The following ANO3 variants were observed in gnomAD, a reference collection of about 807,000 sequenced individuals.
The protein encoded by ANO3 is anoctamin 3, also known as anoctamin-3.
In ANO3, 99 loss-of-function variants were observed where a neutral mutation model predicts 144.8. That is an observed-to-expected ratio of 0.68 (90% CI 0.58 to 0.81). The LOEUF (loss-of-function observed/expected upper bound fraction) is 0.81. ANO3 is among the 30% of genes least tolerant of loss of function. The pLI, the probability that ANO3 is intolerant of heterozygous loss-of-function variation, is 0.00. For missense variants in ANO3, 905 were observed against 1,202.2 expected (o/e 0.75, Z 3.66); for synonymous variants, 414 against 392.6 (o/e 1.05, Z -0.64).
At chr11:26,376,231 C>T (rs1428948418) in intron 1 of ANO3, among the ~76,000 whole-genome samples, 2 of 152,096 alleles carry the variant, frequency 1.3e-5, no homozygotes, top group Non-Finnish European at 2.9e-5. Flanking sequence ...ACAGCCTTCA[C>T]TCACTCCCCA....
Position 26,212,050 on chromosome 11 carries a change from G to T in ANO3, c.154+22720G>T, listed in dbSNP as rs186727956. ...AGGGAGGGGAATATCACACACTGGG[G>T]CCTGTCAGGTGGTGGGGGGATAGGG... On this transcript the variant is annotated intron_variant, in intron 1 of 27. Coordinates refer to the ANO3 transcript ENST00000672621. 6.6e-3 allele frequency among the ~76,000 whole-genome samples: 1,001 copies of T among 152,186 alleles called. 16 individuals carry two copies. The highest frequency in any genetic ancestry group is 0.023 in the African/African-American group (962 of 41,510).
chr11:26,216,806 G>A (rs1440026532), intron 1 of ANO3, among the ~76,000 whole-genome samples: 1 of 151,970 alleles, frequency 6.6e-6, no homozygotes, highest in African/African-American at 2.4e-5. Context: ...GTAACTTATA[G>A]AGCCTTAACA....
intron 1 of ANO3, among the ~76,000 whole-genome samples, chr11:26,353,944 CA>C (rs769652141): frequency 6.6e-6 from 1 of 152,132 alleles, no homozygotes; most frequent in Non-Finnish European, 1.5e-5. Context: ...TTTATATCAC[CA>C]AAATTGAAAT....
chr11:26,522,083 C>T (rs544309590), intron 6 of ANO3, among the ~76,000 whole-genome samples: 29 of 152,050 alleles, frequency 1.9e-4, no homozygotes, highest in South Asian at 4.1e-4. Flanking sequence ...ACTCGGGAGG[C>T]TGAGGCAAGA....
intron 10 of ANO3, among the ~76,000 whole-genome samples, chr11:26,541,130 T>C (rs949722038): frequency 6.6e-6 from 1 of 151,960 alleles, no homozygotes; most frequent in African/African-American, 2.4e-5. Flanking sequence ...AAAAGATGAG[T>C]TCGTGTTCTT....
At chr11:26,202,176 C>A (rs1054442693) in intron 1 of ANO3, among the ~76,000 whole-genome samples, 44 of 148,220 alleles carry the variant, frequency 3.0e-4, no homozygotes, top group African/African-American at 9.8e-4. Context: ...TTCTAACTGA[C>A]CTCACATAAT....
chr11:26,647,937 G>A, intron 24 of ANO3, 81 bp downstream of exon 24: 1 of 1,378,650 alleles, frequency 7.3e-7, no homozygotes, highest in South Asian at 1.5e-5. Flanking sequence ...GTTTTGTTCT[G>A]TGACCATTAA....
At chr11:26,192,852 G>C (rs2133904176) in intron 1 of ANO3, among the ~76,000 whole-genome samples, 1 of 152,226 alleles carries the variant, frequency 6.6e-6, no homozygotes, top group East Asian at 1.9e-4. Flanking sequence ...GAGGGAAATT[G>C]CCTCTTTGTG....
intron 21 of ANO3, among the ~76,000 whole-genome samples, chr11:26,640,890 C>T (rs1426307342): frequency 6.6e-6 from 1 of 152,150 alleles, no homozygotes; most frequent in Admixed American, 6.6e-5. Flanking sequence ...AAGCAGATCG[C>T]CTCAACTCTC....
intron 17 of ANO3, among the ~76,000 whole-genome samples, chr11:26,602,704 T>G (rs994377956): frequency 4.7e-5 from 7 of 150,464 alleles, no homozygotes; most frequent in African/African-American, 1.5e-4. Flanking sequence ...TAAGCTGTGA[T>G]CACCCCACTG....
At chr11:26,190,135 C>T (rs1046765234) in intron 1 of ANO3, among the ~76,000 whole-genome samples, 4 of 152,102 alleles carry the variant, frequency 2.6e-5, no homozygotes, top group African/African-American at 7.2e-5. Context: ...GTAATGGGAA[C>T]GTAAAAGTTA....
intron 4 of ANO3, among the ~76,000 whole-genome samples, chr11:26,495,830 A>G (rs1860914323): frequency 6.6e-6 from 1 of 152,204 alleles, no homozygotes; most frequent in South Asian, 2.1e-4. Context: ...ATGGGAGATT[A>G]TATTATTTGC....
At chr11:26,343,336 A>G (rs1564974057) in intron 1 of ANO3, among the ~76,000 whole-genome samples, 1 of 152,192 alleles carries the variant, frequency 6.6e-6, no homozygotes, top group African/African-American at 2.4e-5. Context: ...TGGCTATTCT[A>G]AATAATGCTG....
intron 24 of ANO3, among the ~76,000 whole-genome samples, chr11:26,655,721 A>G (rs575077362): frequency 2.0e-4 from 31 of 152,306 alleles, no homozygotes; most frequent in African/African-American, 7.0e-4. Context: ...TTGAATAAAT[A>G]TATATGTTTA....
chr11:26,449,171 CAATA>C (rs1187796882), intron 3 of ANO3, among the ~76,000 whole-genome samples: 1 of 151,900 alleles, frequency 6.6e-6, no homozygotes, highest in African/African-American at 2.4e-5. Flanking sequence ...TCCTTGTTCA[CAATA>C]AATATGTGCT....
In ANO3 at chr11:26,551,922, T is replaced by C. The variant is rs1849943937; in HGVS notation, c.1290-1327T>C. Among the ~76,000 whole-genome samples the C allele has an allele frequency of 1.3e-5, 2 of 151,994 alleles. 1 individual carries two copies. The highest frequency in any genetic ancestry group is 1.3e-4 in the Admixed American group (2 of 15,220). On this transcript the variant is annotated intron_variant, in intron 12 of 26. Coordinates refer to ENST00000256737, the MANE Select transcript of ANO3 (RefSeq NM_031418.4). ...GAGCTATAGTATATGTAAGACCCATTTCATCATCGTGATCACTAATAAATT... is the reference window on the plus strand; with the variant it reads ...GAGCTATAGTATATGTAAGACCCATCTCATCATCGTGATCACTAATAAATT...
intron 24 of ANO3, among the ~76,000 whole-genome samples, chr11:26,653,837 G>A (rs1308999057): frequency 2.0e-5 from 3 of 152,016 alleles, no homozygotes; most frequent in Non-Finnish European, 2.9e-5. Context: ...ATTTCCCTTA[G>A]CCTAATCTAT....
intron 4 of ANO3, 87 bp downstream of exon 4, chr11:26,463,235 C>T (rs1859483697): frequency 5.9e-6 from 4 of 674,332 alleles, no homozygotes; most frequent in African/African-American, 5.5e-5. Flanking sequence ...TGGTTTTCTG[C>T]TGGAGAATAT....
intron 14 of ANO3, among the ~76,000 whole-genome samples, chr11:26,574,163 A>G (rs1850928158): frequency 6.6e-6 from 1 of 152,134 alleles, no homozygotes; most frequent in African/African-American, 2.4e-5. Flanking sequence ...GGCACTCACC[A>G]ATTGCTTTAC....
Sources: allele counts gnomAD v4.1 joint callset (sites outside exome capture counted in the v4.1 genomes callset), GRCh38; gene constraint gnomAD v4.1.1; transcripts MANE v1.5; gene names NCBI Gene and HGNC (gene_info 2026-07-23, HGNC 2026-07-21).